The following CNTN4 variants were observed in gnomAD, a reference collection of about 807,000 sequenced individuals.
CNTN4 encodes the protein contactin 4, also known as contactin-4.
In CNTN4, 77 loss-of-function variants were observed where a neutral mutation model predicts 122.5. That is an observed-to-expected ratio of 0.63 (90% confidence interval 0.52 to 0.76). CNTN4 has a LOEUF of 0.76. Ranked by LOEUF, CNTN4 falls within the 30% of genes least tolerant of loss-of-function variation. The pLI is 0.00. For synonymous variants in CNTN4, 512 were observed against 447.0 expected (o/e 1.15, Z -1.83); for missense variants, 1,256 against 1,259.1 (o/e 1.00, Z 0.04).
intron 3 of CNTN4, among the ~76,000 whole-genome samples, chr3:2,461,161 C>T (rs892217121): frequency 6.6e-6 from 1 of 152,080 alleles, no homozygotes; most frequent in Non-Finnish European, 1.5e-5. Context: ...ATTATATAAA[C>T]ACAGATGAAT....
At chr3:2,827,598 C>A (rs1003057302) in intron 7 of CNTN4, among the ~76,000 whole-genome samples, 3 of 152,206 alleles carry the variant, frequency 2.0e-5, no homozygotes, top group African/African-American at 7.2e-5. Context: ...CTATTATTAA[C>A]ATAAATTGGT....
intron 4 of CNTN4, among the ~76,000 whole-genome samples, chr3:2,673,966 A>C (rs973489891): frequency 3.9e-5 from 6 of 152,210 alleles, no homozygotes; most frequent in Admixed American, 2.0e-4. Flanking sequence ...GGAAGAGGAC[A>C]GAGGCAACCC....
At chr3:2,691,523 C>A (rs1038119156) in intron 4 of CNTN4, among the ~76,000 whole-genome samples, 1 of 152,126 alleles carries the variant, frequency 6.6e-6, no homozygotes, top group Admixed American at 6.6e-5. Flanking sequence ...TGAGTGAAAT[C>A]AAGGTGGGAG....
Position 2,362,669 on chromosome 3 carries a change from GC to G in CNTN4, c.-89+23437del, listed in dbSNP as rs199836864. On this transcript the variant is annotated intron_variant, in intron 3 of 24. Transcript: ENST00000418658. ...ACCAACTTGAGATCAATGATGAGAA[GC>G]TGGGTGAACAATCCGTAAATGACCT... is the stretch of plus-strand genomic sequence containing the variant. The G allele has an allele frequency of 4.7e-3, 1,861 of 397,706 alleles. 19 individuals are homozygous for G. The highest frequency in any genetic ancestry group is 0.023 in the Admixed American group (696 of 30,670). 24.6% of individuals were successfully genotyped at this position (397,706 alleles called of 1,614,324 possible). A position where few individuals can be genotyped will look rare whatever the true frequency, so the allele number is the denominator to read the frequency against.
intron 2 of CNTN4, among the ~76,000 whole-genome samples, chr3:2,101,410 T>C (rs2031943620): frequency 6.6e-6 from 1 of 152,224 alleles, no homozygotes; most frequent in African/African-American, 2.4e-5. Context: ...TTCTTTGTTA[T>C]ATTTGAGGAC....
intron 13 of CNTN4, among the ~76,000 whole-genome samples, chr3:2,961,118 T>C (rs2094851768): frequency 7.1e-6 from 1 of 139,876 alleles, no homozygotes; most frequent in Non-Finnish European, 1.6e-5. Flanking sequence ...TAGTCCCAGC[T>C]ACTCGGGAGG....
intron 13 of CNTN4, among the ~76,000 whole-genome samples, chr3:2,945,763 A>G (rs561573067): frequency 6.6e-6 from 1 of 152,336 alleles, no homozygotes; most frequent in South Asian, 2.1e-4. Context: ...TGCAGGAAAG[A>G]AGGACACTTT....
chr3:2,186,324 C>G (rs536769798), intron 2 of CNTN4, among the ~76,000 whole-genome samples: 2,442 of 152,250 alleles, frequency 0.016, 64 homozygotes, highest in African/African-American at 0.057. Flanking sequence ...TTAATCCAGT[C>G]TATCATTGAT....
chr3:3,052,580 T>C (rs1012790535), intron 23 of CNTN4, among the ~76,000 whole-genome samples: 1 of 152,166 alleles, frequency 6.6e-6, no homozygotes, highest in African/African-American at 2.4e-5. Context: ...AAGGCACACT[T>C]TCCCAGACCT....
intron 2 of CNTN4, among the ~76,000 whole-genome samples, chr3:2,127,237 G>A (rs138584757): frequency 9.2e-5 from 14 of 152,246 alleles, no homozygotes; most frequent in African/African-American, 3.4e-4. Context: ...CAGCCCCAAT[G>A]TGCTGTGGGT....
At chr3:2,862,069 A>T (rs1407556310) in intron 7 of CNTN4, among the ~76,000 whole-genome samples, 1 of 152,176 alleles carries the variant, frequency 6.6e-6, no homozygotes, top group Non-Finnish European at 1.5e-5. Flanking sequence ...GTTTCTCTAG[A>T]CTTCAGTTTC....
intron 6 of CNTN4, among the ~76,000 whole-genome samples, chr3:2,787,446 G>T (rs2091872137): frequency 6.6e-6 from 1 of 152,154 alleles, no homozygotes; most frequent in African/African-American, 2.4e-5. Context: ...ACCACTTAAG[G>T]AGTAAACCGA....
chr3:2,561,685 A>G (rs556658765), intron 3 of CNTN4, among the ~76,000 whole-genome samples: 1 of 152,254 alleles, frequency 6.6e-6, no homozygotes, highest in South Asian at 2.1e-4. Flanking sequence ...TCACTTTATG[A>G]AAGAGGAAAG....
intron 14 of CNTN4, among the ~76,000 whole-genome samples, chr3:3,011,922 G>T (rs1697275901): frequency 1.3e-5 from 2 of 152,132 alleles, no homozygotes; most frequent in South Asian, 4.2e-4. Context: ...GGATGAGGAT[G>T]AGGATGGTAA....
At chr3:2,344,750 A>G (rs79866236) in intron 3 of CNTN4, among the ~76,000 whole-genome samples, 3,143 of 152,294 alleles carry the variant, frequency 0.021, 110 homozygotes, top group African/African-American at 0.072. Context: ...GGAAAAATAA[A>G]TATCATGAAC....
intron 4 of CNTN4, among the ~76,000 whole-genome samples, chr3:2,579,307 T>C (rs1231231626): frequency 1.3e-5 from 2 of 152,182 alleles, no homozygotes; most frequent in Non-Finnish European, 2.9e-5. Context: ...GTACCTAACG[T>C]CAACCTGTGT....
chr3:2,703,034 T>G (rs903208543), intron 4 of CNTN4, among the ~76,000 whole-genome samples: 3 of 152,332 alleles, frequency 2.0e-5, no homozygotes, highest in African/African-American at 7.2e-5. Context: ...GGAGTTACTA[T>G]TCCAAGGGTT....
At chr3:2,237,001 G>C (rs9833956) in intron 2 of CNTN4, among the ~76,000 whole-genome samples, 4,412 of 152,276 alleles carry the variant, frequency 0.029, 211 homozygotes, top group African/African-American at 0.1. Context: ...GCAAGATGGA[G>C]GATGGTAGAA....
At chr3:3,035,418 A>C (rs1415700823) in intron 17 of CNTN4, among the ~76,000 whole-genome samples, 1 of 152,200 alleles carries the variant, frequency 6.6e-6, no homozygotes. Context: ...ATTACCTAAA[A>C]TCATCTGTGT....
Sources: gnomAD v4.1 joint callset for allele counts (sites outside exome capture counted in the v4.1 genomes callset) on GRCh38, gnomAD v4.1.1 for gene constraint, MANE v1.5 for transcripts, NCBI Gene and HGNC (gene_info 2026-07-23, HGNC 2026-07-21) for gene names.